SLC9A9: variants seen among roughly 807,000 people sequenced by gnomAD.
SLC9A9 encodes solute carrier family 9 member A9, also known as sodium/hydrogen exchanger 9.
Under a neutral mutation model 77.8 loss-of-function variants are expected in SLC9A9, and 62 were observed. That is an observed-to-expected ratio of 0.80 (90% CI 0.65 to 0.98). The LOEUF (loss-of-function observed/expected upper bound fraction) is 0.98, where lower values mean the gene tolerates loss of function less well. Ranked by LOEUF, SLC9A9 falls within the 50% of genes least tolerant of loss-of-function variation. SLC9A9 has a pLI of 0.00. For synonymous variants in SLC9A9, 320 were observed against 283.5 expected (o/e 1.13, Z -1.29); for missense variants, 775 against 774.9 (o/e 1.00, Z 0.00).
At chr3:143,435,878 T>C (rs1167683245) in intron 12 of SLC9A9, among the ~76,000 whole-genome samples, 1 of 148,550 alleles carries the variant, frequency 6.7e-6, no homozygotes. Flanking sequence ...ACCTGGAGGG[T>C]TAACAGAGTT....
intron 11 of SLC9A9, among the ~76,000 whole-genome samples, chr3:143,470,595 G>C (rs927123949): frequency 6.6e-6 from 1 of 152,060 alleles, no homozygotes; most frequent in Admixed American, 6.5e-5. Flanking sequence ...CGTAACATTA[G>C]AAGTATTAGA....
At chr3:143,738,067 T>G (rs1209018174) in intron 4 of SLC9A9, among the ~76,000 whole-genome samples, 1 of 152,236 alleles carries the variant, frequency 6.6e-6, no homozygotes, top group African/African-American at 2.4e-5. Flanking sequence ...GACCAAAAAC[T>G]ACATTTCCTA....
intron 1 of SLC9A9, among the ~76,000 whole-genome samples, chr3:143,836,982 A>G (rs1187208021): frequency 6.6e-6 from 1 of 152,110 alleles, no homozygotes; most frequent in African/African-American, 2.4e-5. Flanking sequence ...TTCATAACCA[A>G]TTTCCCTTGC....
intron 4 of SLC9A9, among the ~76,000 whole-genome samples, chr3:143,792,006 G>A (rs1031060339): frequency 8.5e-5 from 13 of 152,090 alleles, no homozygotes; most frequent in Non-Finnish European, 1.6e-4. Context: ...ATTTGACTCC[G>A]GAGCCAAACA....
intron 6 of SLC9A9, among the ~76,000 whole-genome samples, chr3:143,625,646 TA>T (rs2038308826): frequency 6.6e-6 from 1 of 152,110 alleles, no homozygotes; most frequent in Non-Finnish European, 1.5e-5. Context: ...ATGTTAGACC[TA>T]AAACCATAAA....
At chr3:143,591,958 C>T (rs963899876) in intron 6 of SLC9A9, among the ~76,000 whole-genome samples, 2 of 152,158 alleles carry the variant, frequency 1.3e-5, no homozygotes, top group Admixed American at 6.5e-5. Context: ...GCAAGGGACT[C>T]AGGAAATCAA....
intron 12 of SLC9A9, among the ~76,000 whole-genome samples, chr3:143,462,583 A>T (rs2035213269): frequency 6.6e-6 from 1 of 152,194 alleles, no homozygotes; most frequent in African/African-American, 2.4e-5. Flanking sequence ...TAATTGAGGA[A>T]GACAATCTTC....
chr3:143,456,179 T>A (rs1043458205), intron 12 of SLC9A9, among the ~76,000 whole-genome samples: 1 of 152,168 alleles, frequency 6.6e-6, no homozygotes, highest in African/African-American at 2.4e-5. Flanking sequence ...GTTTTTCTTT[T>A]ATCTGCTAAT....
At chr3:143,316,488 T>A (rs74857779) in intron 14 of SLC9A9, among the ~76,000 whole-genome samples, 1 of 152,168 alleles carries the variant, frequency 6.6e-6, no homozygotes, top group Non-Finnish European at 1.5e-5. Flanking sequence ...CTCTGCTATA[T>A]TGTGGTGCTT....
intron 5 of SLC9A9, among the ~76,000 whole-genome samples, chr3:143,657,286 T>A (rs79420518): frequency 0.013 from 1,936 of 152,328 alleles, 42 homozygotes; most frequent in African/African-American, 0.044. Flanking sequence ...ACACAAAACA[T>A]CATGAGGAAT....
chr3:143,685,614 T>C (rs1933239991), intron 5 of SLC9A9, among the ~76,000 whole-genome samples: 1 of 152,040 alleles, frequency 6.6e-6, no homozygotes, highest in Non-Finnish European at 1.5e-5. Flanking sequence ...AGTGAGAAAA[T>C]GCACAGAACA....
intron 6 of SLC9A9, among the ~76,000 whole-genome samples, chr3:143,590,682 C>T (rs186513290): frequency 2.4e-3 from 365 of 152,192 alleles, no homozygotes; most frequent in Non-Finnish European, 4.4e-3. Context: ...AAGGGTACAC[C>T]GAGGTAGATA....
intron 6 of SLC9A9, among the ~76,000 whole-genome samples, chr3:143,579,533 C>G (rs551183458): frequency 6.6e-6 from 1 of 152,166 alleles, no homozygotes; most frequent in African/African-American, 2.4e-5. Flanking sequence ...AATATGAACT[C>G]CATATTGAGC....
intron 9 of SLC9A9, among the ~76,000 whole-genome samples, chr3:143,527,507 C>A (rs1382735099): frequency 6.6e-6 from 1 of 152,134 alleles, no homozygotes; most frequent in Non-Finnish European, 1.5e-5. Context: ...ATAGTATGTG[C>A]TTAGTGGCAT....
At chr3:143,477,480 T>G (rs1429201966) in intron 11 of SLC9A9, among the ~76,000 whole-genome samples, 4 of 151,736 alleles carry the variant, frequency 2.6e-5, no homozygotes, top group Non-Finnish European at 5.9e-5. Flanking sequence ...CCAAGACTGC[T>G]GCTCCATGGA....
chr3:143,493,808 A>T (rs766296636), intron 10 of SLC9A9, 44 bp from the exon 11 acceptor site: 19 of 1,407,762 alleles, frequency 1.3e-5, no homozygotes, highest in Non-Finnish European at 1.9e-5. Context: ...TGTTGCTGCA[A>T]TGATGGTTTG....
chr3:143,460,277 A>G (rs538354761), intron 12 of SLC9A9, among the ~76,000 whole-genome samples: 2 of 152,262 alleles, frequency 1.3e-5, no homozygotes, highest in South Asian at 2.1e-4. Flanking sequence ...ATCCTTGTAT[A>G]ACTGCTACAT....
chr3:143,414,058 G>C (rs1168069965), intron 12 of SLC9A9, among the ~76,000 whole-genome samples: 1 of 152,250 alleles, frequency 6.6e-6, no homozygotes, highest in East Asian at 1.9e-4. Context: ...TCAGTGTTTG[G>C]TGGAAAGGCA....
In SLC9A9 at chr3:143,410,156, T is replaced by C. The variant is rs561644849; in HGVS notation, c.1470-28042A>G. Among the ~76,000 whole-genome samples, 35 of 152,310 alleles carry C rather than the reference T, an allele frequency of 2.3e-4. 1 individual carries two copies. In the South Asian group the frequency reaches 5.0e-3, roughly 22 times the overall value. Reference sequence around the variant, plus strand: ...TAGTAGAGGAGAGGGTTGGAGAGGATAGAGCCTTCTCTCTCACATCAGGGC... The same window carrying C: ...TAGTAGAGGAGAGGGTTGGAGAGGACAGAGCCTTCTCTCTCACATCAGGGC... On this transcript the variant is annotated intron_variant, in intron 12 of 15. Transcript: ENST00000316549.
Sources: allele counts gnomAD v4.1 joint callset (sites outside exome capture counted in the v4.1 genomes callset), GRCh38; gene constraint gnomAD v4.1.1; transcripts MANE v1.5; gene names NCBI Gene and HGNC (gene_info 2026-07-23, HGNC 2026-07-21).